ROCK1: variants seen among roughly 807,000 people sequenced by gnomAD.
The protein encoded by ROCK1 is rho-associated protein kinase 1.
ROCK1 carries 36 observed loss-of-function variants against 196.8 expected under a neutral mutation model. The ratio of observed to expected loss-of-function variants is 0.18; its 90% CI spans 0.14 to 0.24. The LOEUF is 0.24. Among genes scored for constraint, ROCK1 ranks in the 10% least tolerant of loss-of-function variants. The probability of loss-of-function intolerance (pLI) is 1.00; values close to 1 mark genes in which losing one functional copy is unlikely to be tolerated. For synonymous variants in ROCK1, 443 were observed against 515.9 expected (o/e 0.86, Z 1.91); for missense variants, 920 against 1,562.0 (o/e 0.59, Z 6.93).
At chr18:20,979,660 C>G (rs2035512355) in intron 22 of ROCK1, among the ~76,000 whole-genome samples, 1 of 152,016 alleles carries the variant, frequency 6.6e-6, no homozygotes, top group Non-Finnish European at 1.5e-5. Flanking sequence ...TGCAATACCC[C>G]TGAAAACAAT....
intron 27 of ROCK1, among the ~76,000 whole-genome samples, chr18:20,965,390 TAC>T (rs1356574978): frequency 2.2e-4 from 31 of 138,218 alleles, no homozygotes; most frequent in Middle Eastern, 3.8e-3. Context: ...GTTTCATACA[TAC>T]ATACATACAT....
intron 9 of ROCK1, among the ~76,000 whole-genome samples, chr18:21,035,019 A>T (rs930063462): frequency 6.6e-6 from 1 of 152,250 alleles, no homozygotes; most frequent in African/African-American, 2.4e-5. Context: ...AATAAGCAAC[A>T]TGACAAGATG....
At chr18:20,992,007 G>C (rs537558328) in intron 17 of ROCK1, among the ~76,000 whole-genome samples, 2 of 151,804 alleles carry the variant, frequency 1.3e-5, no homozygotes, top group Non-Finnish European at 2.9e-5. Flanking sequence ...CATTTACTTT[G>C]CTTTCACAAA....
intron 9 of ROCK1, among the ~76,000 whole-genome samples, chr18:21,036,630 T>C (rs1398813162): frequency 6.6e-6 from 1 of 152,016 alleles, no homozygotes; most frequent in Non-Finnish European, 1.5e-5. Context: ...TTTATTTTTA[T>C]AGAGATAGGG....
At chr18:20,989,934 T>G (rs910009313) in intron 18 of ROCK1, among the ~76,000 whole-genome samples, 1 of 152,086 alleles carries the variant, frequency 6.6e-6, no homozygotes, top group African/African-American at 2.4e-5. Context: ...AAGAAACTTA[T>G]GACCGATATG....
chr18:21,019,560 G>A (rs183912270), intron 12 of ROCK1, among the ~76,000 whole-genome samples: 34 of 152,088 alleles, frequency 2.2e-4, no homozygotes, highest in African/African-American at 7.2e-4. Context: ...TTTGGAGGCC[G>A]AGGCGGGCAG....
At chr18:20,959,082 A>G in intron 29 of ROCK1, among the ~76,000 whole-genome samples, 1 of 38,026 alleles carries the variant, frequency 2.6e-5, no homozygotes, top group East Asian at 9.3e-4. Flanking sequence ...TATAATATAT[A>G]TATTTTATAT....
intron 9 of ROCK1, among the ~76,000 whole-genome samples, chr18:21,037,701 C>T (rs1199090320): frequency 6.6e-6 from 1 of 152,036 alleles, no homozygotes; most frequent in Non-Finnish European, 1.5e-5. Context: ...TAATGCAGAT[C>T]TTAAGTAGTT....
At chr18:21,063,677 C>T (rs1181106645) in intron 2 of ROCK1, among the ~76,000 whole-genome samples, 2 of 152,138 alleles carry the variant, frequency 1.3e-5, no homozygotes, top group Non-Finnish European at 2.9e-5. Context: ...AATCCTCTGG[C>T]AGCAACGTAG....
chr18:21,080,823 T>C (rs566269390), intron 1 of ROCK1, among the ~76,000 whole-genome samples: 2 of 152,294 alleles, frequency 1.3e-5, no homozygotes, highest in Non-Finnish European at 2.9e-5. Context: ...ATGCGTCAAA[T>C]ATGTACATTT....
intron 3 of ROCK1, 117 bp from the exon 4 acceptor site, chr18:21,049,346 T>G: frequency 2.6e-6 from 2 of 778,964 alleles, no homozygotes; most frequent in Non-Finnish European, 3.8e-6. Context: ...CCTTACTGTT[T>G]CAGTTATTTT....
At chr18:21,003,873 CA>C (rs2035747085) in intron 16 of ROCK1, among the ~76,000 whole-genome samples, 1 of 151,830 alleles carries the variant, frequency 6.6e-6, no homozygotes, top group Non-Finnish European at 1.5e-5. Context: ...ACCCAAAATC[CA>C]AAATCTGAAG....
chr18:21,073,274 G>C (rs1477833447), intron 1 of ROCK1, among the ~76,000 whole-genome samples: 1 of 151,894 alleles, frequency 6.6e-6, no homozygotes, highest in African/African-American at 2.4e-5. Context: ...CACAAAGGCA[G>C]GCATAATCAA....
chr18:20,974,670 T>G, intron 22 of ROCK1, among the ~76,000 whole-genome samples: 1 of 152,206 alleles, frequency 6.6e-6, no homozygotes, highest in East Asian at 1.9e-4. Flanking sequence ...TCCTACCTCT[T>G]AAAAGAATTC....
chr18:21,057,832 T>A (rs1234998319), intron 2 of ROCK1, among the ~76,000 whole-genome samples: 1 of 152,008 alleles, frequency 6.6e-6, no homozygotes, highest in Non-Finnish European at 1.5e-5. Flanking sequence ...AGAAAAAAAT[T>A]AAATTAAATT....
chr18:20,954,017 A>G (rs1019305522), intron 31 of ROCK1, among the ~76,000 whole-genome samples: 1 of 151,946 alleles, frequency 6.6e-6, no homozygotes, highest in Non-Finnish European at 1.5e-5. Context: ...AAACAAATAA[A>G]TGTATTTAAA....
chr18:20,967,450 C>T (rs1455618721), intron 26 of ROCK1, among the ~76,000 whole-genome samples: 1 of 152,062 alleles, frequency 6.6e-6, no homozygotes. Context: ...GTGCCCGAGA[C>T]CAGGTTCTCA....
intron 1 of ROCK1, among the ~76,000 whole-genome samples, chr18:21,100,130 T>G (rs953970738): frequency 1.3e-5 from 2 of 151,358 alleles, no homozygotes; most frequent in African/African-American, 4.9e-5. Context: ...AGAAAGCACT[T>G]TTTAAGTACT....
rs781458205 is a variant in ROCK1, at chr18:21,044,204, TAGTAC to T, written c.591-23_591-19del. On this transcript the variant is annotated intron_variant, in intron 5 of 32. Transcript: ENST00000399799. ...TCACATCTCTGCAGGAGGGAAAAAATAGTACAGTATTTTCTGAAACAGATTAGACA... is the reference window on the plus strand; with the variant it reads ...TCACATCTCTGCAGGAGGGAAAAAATAGTATTTTCTGAAACAGATTAGACA... 1 of 1,570,968 alleles carries T rather than the reference TAGTAC, an allele frequency of 6.4e-7. No individual in the cohort carries two copies. Among genetic ancestry groups the T allele is most frequent in the African/African-American group, 1.4e-5 (1 of 73,722 alleles).
Sources: gnomAD v4.1 joint callset for allele counts (sites outside exome capture counted in the v4.1 genomes callset) on GRCh38, gnomAD v4.1.1 for gene constraint, MANE v1.5 for transcripts, NCBI Gene and HGNC (gene_info 2026-07-23, HGNC 2026-07-21) for gene names.